FAM124A: variants seen among roughly 807,000 people sequenced by gnomAD.
The protein encoded by FAM124A is protein FAM124A.
In FAM124A, 23 loss-of-function variants were observed where a neutral mutation model predicts 24.5. The ratio of observed to expected loss-of-function variants is 0.94; its 90% CI spans 0.68 to 1.33. The LOEUF (loss-of-function observed/expected upper bound fraction) is 1.33, where lower values mean the gene tolerates loss of function less well. FAM124A is among the 40% of genes most tolerant of loss of function. The pLI, the probability that FAM124A is intolerant of heterozygous loss-of-function variation, is 0.00. For missense variants in FAM124A, 623 were observed against 722.8 expected, an observed-to-expected ratio of 0.86 and a Z score of 1.58; for synonymous variants, 287 against 314.7, an observed-to-expected ratio of 0.91 and a Z score of 0.93.
At position 51,272,566 on chromosome 13, in the gene FAM124A, T is replaced by TACACACACAC. The variant is rs3138586; in HGVS notation, c.835-7865_835-7856dup. Among the ~76,000 whole-genome samples the TACACACACAC allele has an allele frequency of 7.6e-3, 1,132 of 148,942 alleles. 14 individuals are homozygous for TACACACACAC. Among genetic ancestry groups the TACACACACAC allele is most frequent in the African/African-American group, 0.023 (939 of 40,170 alleles). ...ACCTATTTTTGTAAATAAAGCCTTA[T>TACACACACAC]ACACACACACACACACACACACACA... On this transcript the variant is annotated intron_variant, in intron 3 of 3. Transcript: ENST00000322475. This position sits in a 1 kb window ranked among gnomAD's most constrained non-coding sequence, Gnocchi z 4.2.
chr13:51,261,648 C>T (rs1028973714), intron 3 of FAM124A, among the ~76,000 whole-genome samples: 1 of 152,184 alleles, frequency 6.6e-6, no homozygotes, highest in African/African-American at 2.4e-5. Context: ...ACAGCTTTCC[C>T]TCTTGCCCTT....
chr13:51,246,428 C>T (rs1038096155), intron 2 of FAM124A, among the ~76,000 whole-genome samples: 1 of 147,106 alleles, frequency 6.8e-6, no homozygotes, highest in Non-Finnish European at 1.5e-5. Flanking sequence ...ACTCTAACAC[C>T]TGATGACAGC....
At chr13:51,240,735 A>G (rs1241299755) in intron 2 of FAM124A, among the ~76,000 whole-genome samples, 1 of 152,242 alleles carries the variant, frequency 6.6e-6, no homozygotes, top group Non-Finnish European at 1.5e-5. Context: ...ACATAAAAGC[A>G]GTACTGCTTT....
In FAM124A at chr13:51,280,963, T is replaced by C; in HGVS notation, c.1348T>C (p.Cys450Arg). ...GGAGACACCCCTCCCCTCCGAAAGATGCAGCAGCCACTGGGCAGCTCACAA... is the reference window on the plus strand; with the variant it reads ...GGAGACACCCCTCCCCTCCGAAAGACGCAGCAGCCACTGGGCAGCTCACAA... Reference protein sequence around the residue: ...TVETPLPSERCSSHWAAHKDS... With the variant: ...TVETPLPSERRSSHWAAHKDS... Residue 450 changes from cysteine to arginine, a missense_variant, in exon 4 of 4, where the codon TGC becomes CGC. Transcript: ENST00000322475. 1 of 1,614,008 alleles carries C rather than the reference T, an allele frequency of 6.2e-7. No individual in the cohort carries two copies. Among genetic ancestry groups the C allele is most frequent in the South Asian group, 1.1e-5 (1 of 91,058 alleles).
Position 51,283,680 on chromosome 13 carries a change from GGAA to G in FAM124A, c.*2429_*2431del, listed in dbSNP as rs1167194592. The G allele has an allele frequency of 5.7e-5, 8 of 140,822 alleles. No individual in the cohort carries two copies. The highest frequency in any genetic ancestry group is 1.2e-4 in the Non-Finnish European group (8 of 66,152). The allele number at this position is 140,822 out of a possible 1,614,324, so 8.7% of individuals were successfully genotyped here. On this transcript the variant is annotated 3_prime_UTR_variant, in exon 4 of 4. Coordinates refer to ENST00000322475, the MANE Select transcript of FAM124A (RefSeq NM_001242312.2). The stretch of plus-strand genomic sequence containing the variant: ...GAGGAAAAGCAACCTGCAAACATTA[GGAA>G]GAAGGAGAAAAATAATTCAGAGGTG...
At position 51,282,123 on chromosome 13, in the gene FAM124A, C is replaced by T. The variant is rs1954945963; in HGVS notation, c.*867C>T. 6.6e-6 allele frequency: 1 copy of T among 152,160 alleles called. No homozygotes were observed. The highest frequency in any genetic ancestry group is 6.5e-5 in the Admixed American group (1 of 15,282). 9.4% of individuals were successfully genotyped at this position (152,160 alleles called of 1,614,324 possible). A position where few individuals can be genotyped will look rare whatever the true frequency, so the allele number is the denominator to read the frequency against. ...ATCATGGGTAGGTAGTCTTAAGATC[C>T]TTCAACTTTCAAAAACCACAGTCTA... On this transcript the variant is annotated 3_prime_UTR_variant, in exon 4 of 4. Coordinates refer to ENST00000322475, the MANE Select transcript of FAM124A (RefSeq NM_001242312.2).
At chr13:51,241,743 A>G (rs1277086680) in intron 2 of FAM124A, among the ~76,000 whole-genome samples, 3 of 10,238 alleles carry the variant, frequency 2.9e-4, no homozygotes, top group Non-Finnish European at 1.7e-3. Context: ...TTTTAGGCCA[A>G]AAAAAAAAAA....
Position 51,282,911 on chromosome 13 carries a change from G to A in FAM124A, c.*1655G>A, listed in dbSNP as rs2137720484. ...AGGAGTAAGCAAACTTTCTGAAAAG[G>A]GCTAGATAATAAGTATTTTAGGCTT... On this transcript the variant is annotated 3_prime_UTR_variant, in exon 4 of 4. Transcript: ENST00000322475. 6.6e-6 allele frequency: 1 copy of A among 152,016 alleles called. No homozygotes were observed. The highest frequency in any genetic ancestry group is 2.1e-4 in the South Asian group (1 of 4,800). The allele number at this position is 152,016 out of a possible 1,614,324, so 9.4% of individuals were successfully genotyped here.
In FAM124A at chr13:51,252,180, T is replaced by C. The variant is rs749227482; in HGVS notation, c.813T>C (p.Asp271=). 3.1e-6 allele frequency: 5 copies of C among 1,613,296 alleles called. No homozygotes were observed. Among genetic ancestry groups the C allele is most frequent in the Non-Finnish European group, 4.2e-6 (5 of 1,180,028 alleles). The change falls in exon 3 of 4, where the codon GAT becomes GAC. Residue 271 remains aspartate, a synonymous_variant. Transcript: ENST00000322475. Reference sequence around the variant, plus strand: ...GGCGCTGGCAGACGGAGGACCATGATGGGAACAAGATCCTCCTACAGGTAC... The same window carrying C: ...GGCGCTGGCAGACGGAGGACCATGACGGGAACAAGATCCTCCTACAGGTAC... ...SEGRWQTEDH[D]GNKILLQAQR...
At position 51,228,769 on chromosome 13, in the gene FAM124A, AG is replaced by A. The variant is rs372856387; in HGVS notation, c.69-2577del. Among the ~76,000 whole-genome samples, 105 of 152,280 alleles carry A rather than the reference AG, an allele frequency of 6.9e-4. No homozygotes were observed. In the East Asian group the frequency reaches 0.02, roughly 29 times the overall value. The stretch of plus-strand genomic sequence containing the variant: ...CGTATTTCTAGTAAATAAGCTTTTG[AG>A]GTTATTTGGAATATATTTTAAGAGC... On this transcript the variant is annotated intron_variant, in intron 1 of 3. Coordinates refer to ENST00000322475, the MANE Select transcript of FAM124A (RefSeq NM_001242312.2).
intron 2 of FAM124A, among the ~76,000 whole-genome samples, chr13:51,248,769 A>C (rs1280840067): frequency 6.6e-6 from 1 of 152,194 alleles, no homozygotes; most frequent in Non-Finnish European, 1.5e-5. Flanking sequence ...AGGGTGGGGA[A>C]ATACGCCACC....
chr13:51,247,826 C>T (rs2408302), intron 2 of FAM124A, among the ~76,000 whole-genome samples: 170 of 152,198 alleles, frequency 1.1e-3, no homozygotes, highest in African/African-American at 3.9e-3. Flanking sequence ...TGGAGTTACT[C>T]ACTGGCAGAA....
chr13:51,261,931 G>A (rs1427461482), intron 3 of FAM124A, among the ~76,000 whole-genome samples: 1 of 152,240 alleles, frequency 6.6e-6, no homozygotes, highest in African/African-American at 2.4e-5. Flanking sequence ...CAGTACTGGA[G>A]GGGGACAAAG....
rs1316194749 is a variant in FAM124A, at chr13:51,283,182, C to G, written c.*1926C>G. The stretch of plus-strand genomic sequence containing the variant: ...TCAGCCTCCCAAGTAGCTGCGACTA[C>G]AGGTGCGCACCACAATGCCTGGCTA... On this transcript the variant is annotated 3_prime_UTR_variant, in exon 4 of 4. Transcript: ENST00000322475. 6.6e-6 allele frequency: 1 copy of G among 152,272 alleles called. No individual in the cohort carries two copies. The highest frequency in any genetic ancestry group is 1.5e-5 in the Non-Finnish European group (1 of 68,122). 9.4% of individuals were successfully genotyped at this position (152,272 alleles called of 1,614,324 possible).
intron 3 of FAM124A, among the ~76,000 whole-genome samples, chr13:51,271,564 G>A (rs1167024798): frequency 1.3e-5 from 2 of 152,014 alleles, no homozygotes; most frequent in African/African-American, 4.8e-5. Context: ...CTGATGCCTG[G>A]GACCCACCCC....
chr13:51,228,641 G>C (rs1189084900), intron 1 of FAM124A, among the ~76,000 whole-genome samples: 1 of 152,144 alleles, frequency 6.6e-6, no homozygotes, highest in African/African-American at 2.4e-5. Context: ...GTACAGACTT[G>C]TCCAGAGAAC....
At chr13:51,245,531 G>A (rs1312893142) in intron 2 of FAM124A, 27 of 448,852 alleles carry the variant, frequency 6.0e-5, no homozygotes, top group Non-Finnish European at 9.1e-5. Context: ...GAAAAGAAAT[G>A]ATTTGGGGGC....
chr13:51,281,107 C>G lies in FAM124A; in HGVS notation c.1492C>G (p.Pro498Ala). ...SSSSATARAA[P>A]PAPSTSTLTD... Reference sequence around the variant, plus strand: ...CTCCTCAGCGACAGCTCGTGCTGCTCCCCCAGCTCCCAGCACCTCCACCCT... The same window carrying G: ...CTCCTCAGCGACAGCTCGTGCTGCTGCCCCAGCTCCCAGCACCTCCACCCT... Residue 498 changes from proline (P) to alanine (A), a missense_variant, in exon 4 of 4, where the codon CCC (proline) becomes GCC (alanine). Coordinates refer to ENST00000322475, the MANE Select transcript of FAM124A (RefSeq NM_001242312.2). 1 of 1,614,078 alleles carries G rather than the reference C, an allele frequency of 6.2e-7. No individual in the cohort carries two copies. Among genetic ancestry groups the G allele is most frequent in the Non-Finnish European group, 8.5e-7 (1 of 1,180,020 alleles).
rs57971718 is a variant in FAM124A, at chr13:51,229,929, T to C, written c.69-1419T>C. On this transcript the variant is annotated intron_variant, in intron 1 of 3. Coordinates refer to ENST00000322475, the MANE Select transcript of FAM124A (RefSeq NM_001242312.2). ...GTCTCCCTTAGCTAGTATGTCACCA[T>C]GTGCTAGCCAGTCAATCCCTTCTGC... 9.7e-3 allele frequency among the ~76,000 whole-genome samples: 1,476 copies of C among 152,310 alleles called. 39 individuals are homozygous for C. Among genetic ancestry groups the C allele is most frequent in the East Asian group, 0.077 (402 of 5,190 alleles).
Sources: allele counts gnomAD v4.1 joint callset (sites outside exome capture counted in the v4.1 genomes callset), GRCh38; gene constraint gnomAD v4.1.1; non-coding constraint Gnocchi (gnomAD v3.1); transcripts MANE v1.5; gene names NCBI Gene and HGNC (gene_info 2026-07-23, HGNC 2026-07-21).